The following NPFFR2 variants were observed in gnomAD, a reference collection of about 807,000 sequenced individuals.
The protein encoded by NPFFR2 is neuropeptide FF receptor 2, also known as G-protein coupled receptor 74.
In NPFFR2, 15 loss-of-function variants were observed where a neutral mutation model predicts 13.1. That is an observed-to-expected ratio of 1.15 (90% CI 0.77 to 1.76). The LOEUF (loss-of-function observed/expected upper bound fraction) is 1.76, where lower values mean the gene tolerates loss of function less well. NPFFR2 is among the 40% of genes most tolerant of loss of function. The pLI, the probability that NPFFR2 is intolerant of heterozygous loss-of-function variation, is 0.00. For synonymous variants in NPFFR2, 190 were observed against 175.7 expected (o/e 1.08, Z -0.65); for missense variants, 572 against 503.5 (o/e 1.14, Z -1.30).
chr4:72,089,416 G>C (rs1247546999), intron 1 of NPFFR2, among the ~76,000 whole-genome samples: 1 of 152,088 alleles, frequency 6.6e-6, no homozygotes, highest in African/African-American at 2.4e-5. Flanking sequence ...TTTCCATAGT[G>C]GTTGTACTAG....
Position 72,088,918 on chromosome 4 carries a change from G to T in NPFFR2, c.-7-39667G>T, listed in dbSNP as rs575851454. 1.2e-3 allele frequency among the ~76,000 whole-genome samples: 180 copies of T among 151,930 alleles called. 2 individuals are homozygous for T. Among genetic ancestry groups the T allele is most frequent in the Non-Finnish European group, 2.2e-3 (147 of 67,920 alleles). On this transcript the variant is annotated intron_variant, in intron 1 of 3. Transcript: ENST00000308744. ...TTCAGTGGTAATTTCTGAGATTTTGGTGCACTCATCACTTGAGCAGCCTAC... is the reference window on the plus strand; with the variant it reads ...TTCAGTGGTAATTTCTGAGATTTTGTTGCACTCATCACTTGAGCAGCCTAC...
At chr4:72,071,194 C>G (rs777058976) in intron 1 of NPFFR2, among the ~76,000 whole-genome samples, 3 of 152,130 alleles carry the variant, frequency 2.0e-5, no homozygotes, top group Non-Finnish European at 4.4e-5. Flanking sequence ...CCAGGTGTTT[C>G]TCATGCACAG....
intron 1 of NPFFR2, among the ~76,000 whole-genome samples, chr4:72,077,270 T>C (rs778184293): frequency 1.8e-4 from 27 of 152,284 alleles, no homozygotes; most frequent in Admixed American, 2.6e-4. Flanking sequence ...TTGGCTGGCA[T>C]AAACTTACCA....
intron 1 of NPFFR2, among the ~76,000 whole-genome samples, chr4:72,092,979 G>A (rs953267508): frequency 6.6e-6 from 1 of 152,102 alleles, no homozygotes; most frequent in Non-Finnish European, 1.5e-5. Context: ...TTTGAGGATT[G>A]TTTCAAGATG....
chr4:72,102,541 A>C, intron 1 of NPFFR2, among the ~76,000 whole-genome samples: 2 of 102,898 alleles, frequency 1.9e-5, no homozygotes, highest in Non-Finnish European at 1.9e-5. Context: ...CCCACCCACA[A>C]CAGTCCCCGG....
At chr4:72,098,155 G>A (rs1721123962) in intron 1 of NPFFR2, among the ~76,000 whole-genome samples, 1 of 151,714 alleles carries the variant, frequency 6.6e-6, no homozygotes, top group East Asian at 1.9e-4. Flanking sequence ...ATTCCCTTTA[G>A]CAATTATGGA....
intron 1 of NPFFR2, among the ~76,000 whole-genome samples, chr4:72,106,819 G>A (rs1721432166): frequency 6.6e-6 from 1 of 151,846 alleles, no homozygotes; most frequent in Non-Finnish European, 1.5e-5. Context: ...TTTATTATTA[G>A]AAATCAATTA....
chr4:72,062,078 A>ATTT (rs11459755), intron 1 of NPFFR2, among the ~76,000 whole-genome samples: 1 of 148,930 alleles, frequency 6.7e-6, no homozygotes. Flanking sequence ...TTGGTACTCA[A>ATTT]TTTTTTTTTT....
intron 1 of NPFFR2, among the ~76,000 whole-genome samples, chr4:72,108,212 G>A (rs369128114): frequency 1.3e-5 from 2 of 152,000 alleles, no homozygotes; most frequent in South Asian, 2.1e-4. Context: ...AGTTTCCAGG[G>A]AGTCATGCCT....
chr4:72,085,425 A>G (rs1030571586), intron 1 of NPFFR2, among the ~76,000 whole-genome samples: 1 of 152,128 alleles, frequency 6.6e-6, no homozygotes, highest in African/African-American at 2.4e-5. Context: ...CTTCAGCCAC[A>G]AGCTTTTTTT....
At chr4:72,087,407 T>G (rs1720800396) in intron 1 of NPFFR2, among the ~76,000 whole-genome samples, 1 of 152,096 alleles carries the variant, frequency 6.6e-6, no homozygotes, top group Non-Finnish European at 1.5e-5. Context: ...GATAATACAA[T>G]TCTTATTGCC....
intron 1 of NPFFR2, among the ~76,000 whole-genome samples, chr4:72,041,789 G>A (rs1578417014): frequency 6.6e-6 from 1 of 152,140 alleles, no homozygotes; most frequent in African/African-American, 2.4e-5. Context: ...CTGCTCGTAT[G>A]TCTTCTCTTG....
intron 1 of NPFFR2, among the ~76,000 whole-genome samples, chr4:72,039,906 TTA>T (rs1383268101): frequency 1.3e-5 from 2 of 152,178 alleles, no homozygotes; most frequent in Non-Finnish European, 2.9e-5. Flanking sequence ...TTGTAACTGT[TTA>T]TGTTATTAGT....
intron 1 of NPFFR2, among the ~76,000 whole-genome samples, chr4:72,058,411 CTT>C (rs1373068720): frequency 6.8e-6 from 1 of 146,558 alleles, no homozygotes; most frequent in African/African-American, 2.5e-5. Flanking sequence ...AAAAAAAAGA[CTT>C]TTGAAGAAAA....
At chr4:72,097,551 T>G (rs948770496) in intron 1 of NPFFR2, among the ~76,000 whole-genome samples, 8 of 152,176 alleles carry the variant, frequency 5.3e-5, no homozygotes, top group African/African-American at 1.9e-4. Flanking sequence ...AAAGCTTCAC[T>G]GTAGTCTTTT....
intron 1 of NPFFR2, among the ~76,000 whole-genome samples, chr4:72,040,314 T>C (rs1719171252): frequency 6.6e-6 from 1 of 152,166 alleles, no homozygotes; most frequent in South Asian, 2.1e-4. Context: ...TTAATTCAAG[T>C]GGAGTTTTAA....
intron 1 of NPFFR2, among the ~76,000 whole-genome samples, chr4:72,113,874 A>G (rs1721635932): frequency 6.6e-6 from 1 of 152,130 alleles, no homozygotes; most frequent in East Asian, 1.9e-4. Flanking sequence ...TATTTAGTCT[A>G]TAAAATATTG....
intron 1 of NPFFR2, among the ~76,000 whole-genome samples, chr4:72,107,854 C>T (rs1029864054): frequency 6.6e-6 from 1 of 151,934 alleles, no homozygotes; most frequent in Non-Finnish European, 1.5e-5. Flanking sequence ...ATGAAATAGA[C>T]TAAAATATTA....
At chr4:72,036,296 T>G (rs1269572728) in intron 1 of NPFFR2, among the ~76,000 whole-genome samples, 1 of 152,070 alleles carries the variant, frequency 6.6e-6, no homozygotes, top group Non-Finnish European at 1.5e-5. Flanking sequence ...CTCCCAAGTA[T>G]GTAGCAACAA....
Sources: allele counts gnomAD v4.1 joint callset (sites outside exome capture counted in the v4.1 genomes callset), GRCh38; gene constraint gnomAD v4.1.1; transcripts MANE v1.5; gene names NCBI Gene and HGNC (gene_info 2026-07-23, HGNC 2026-07-21).